PPP4R4: variants seen among roughly 807,000 people sequenced by gnomAD.
PPP4R4 encodes the protein serine/threonine-protein phosphatase 4 regulatory subunit 4.
In PPP4R4, 70 loss-of-function variants were observed where a neutral mutation model predicts 121.8. The observed-to-expected ratio is 0.57, with a 90% confidence interval of 0.47 to 0.70. The LOEUF (loss-of-function observed/expected upper bound fraction) is 0.70, where lower values mean the gene tolerates loss of function less well. Among genes scored for constraint, PPP4R4 ranks in the 30% least tolerant of loss-of-function variants. The probability of loss-of-function intolerance (pLI) is 0.00; values close to 1 mark genes in which losing one functional copy is unlikely to be tolerated. For missense variants in PPP4R4, 875 were observed against 1,033.6 expected (o/e 0.85, Z 2.10); for synonymous variants, 348 against 355.7 (o/e 0.98, Z 0.24).
chr14:94,251,042 CT>C (rs1168600452), intron 15 of PPP4R4, among the ~76,000 whole-genome samples: 4 of 151,998 alleles, frequency 2.6e-5, no homozygotes, highest in South Asian at 4.1e-4. Flanking sequence ...ATACTTTAAT[CT>C]TTCTTTTTAT....
chr14:94,231,190 C>A, intron 4 of PPP4R4, 52 bp from the exon 5 acceptor site: 1 of 1,432,252 alleles, frequency 7.0e-7, no homozygotes, highest in South Asian at 1.2e-5. Context: ...TGAGTTGAAA[C>A]TGAATTTGAA....
At position 94,174,511 on chromosome 14, in the gene PPP4R4, A is replaced by C; in HGVS notation, c.46A>C (p.Ser16Arg). ...CGCCGCGATGGATTTCAGTCAGAAC[A>C]GCCTGTTCGGTTACATGGAGGACCT... The part of the protein sequence containing the change: ...PAAAMDFSQN[S>R]LFGYMEDLQE... The change falls in exon 1 of 25, where the codon AGC becomes CGC. Residue 16 changes from serine to arginine, a missense_variant. Physicochemically the swap from Ser to Arg is moderately radical, Grantham distance 110. Transcript: ENST00000304338. 6.2e-7 allele frequency: 1 copy of C among 1,612,196 alleles called. No homozygotes were observed. Among genetic ancestry groups the C allele is most frequent in the Non-Finnish European group, 8.5e-7 (1 of 1,179,156 alleles).
intron 3 of PPP4R4, among the ~76,000 whole-genome samples, chr14:94,229,222 AGGCT>A (rs914289818): frequency 5.9e-5 from 9 of 152,272 alleles, no homozygotes; most frequent in African/African-American, 2.2e-4. Flanking sequence ...TGAGTAATTG[AGGCT>A]GGAGAAGATG....
intron 23 of PPP4R4, among the ~76,000 whole-genome samples, chr14:94,272,260 G>C (rs1186915624): frequency 2.0e-5 from 3 of 152,166 alleles, no homozygotes; most frequent in Admixed American, 6.5e-5. Flanking sequence ...TCAGGACTTA[G>C]TATAAAGCTA....
intron 2 of PPP4R4, among the ~76,000 whole-genome samples, chr14:94,191,026 A>T (rs866351462): frequency 2.0e-5 from 3 of 152,240 alleles, no homozygotes; most frequent in African/African-American, 4.8e-5. Context: ...ACAATAAAAC[A>T]TATCAAAGTT....
chr14:94,255,293 C>A (rs1374570484), intron 16 of PPP4R4, among the ~76,000 whole-genome samples: 1 of 152,148 alleles, frequency 6.6e-6, no homozygotes, highest in East Asian at 1.9e-4. Flanking sequence ...CATCCTGCTG[C>A]TGGTAAAAGA....
chr14:94,217,458 C>T (rs1011263461), intron 3 of PPP4R4, among the ~76,000 whole-genome samples: 1 of 152,180 alleles, frequency 6.6e-6, no homozygotes, highest in African/African-American at 2.4e-5. Flanking sequence ...CCCCTATCAT[C>T]ACTGAATATC....
chr14:94,205,848 AATTCTGT>A (rs1890425788), intron 2 of PPP4R4, among the ~76,000 whole-genome samples: 1 of 151,870 alleles, frequency 6.6e-6, no homozygotes, highest in Non-Finnish European at 1.5e-5. Context: ...GGTTAGAGAA[AATTCTGT>A]ATTATTTAAA....
At chr14:94,230,881 G>T in intron 4 of PPP4R4, 147 bp downstream of exon 4, 1 of 900,958 alleles carries the variant, frequency 1.1e-6, no homozygotes, top group African/African-American at 1.7e-5. Context: ...ACTTAAAATA[G>T]CTATGGCTGT....
At chr14:94,265,565 A>T in intron 21 of PPP4R4, 92 bp downstream of exon 21, 1 of 1,115,098 alleles carries the variant, frequency 9.0e-7, no homozygotes, top group Non-Finnish European at 1.3e-6. Context: ...GAGATACAGT[A>T]GGATAATATA....
Position 94,251,906 on chromosome 14 carries a change from C to G in PPP4R4, c.1865+10C>G, listed in dbSNP as rs1172642185. On this transcript the variant is annotated intron_variant, in intron 16 of 24. Transcript: ENST00000304338. ...CAGTAGCAAATGTGAGGTATGTTAT[C>G]AATGAAGGAAAATATTGGAAATTGT... The G allele has an allele frequency of 6.4e-7, 1 of 1,559,082 alleles. No individual in the cohort carries two copies. Among genetic ancestry groups the G allele is most frequent in the Non-Finnish European group, 8.7e-7 (1 of 1,150,758 alleles).
chr14:94,191,833 A>T (rs1424354152), intron 2 of PPP4R4, among the ~76,000 whole-genome samples: 1 of 152,170 alleles, frequency 6.6e-6, no homozygotes, highest in Admixed American at 6.5e-5. Context: ...AAAATTATCA[A>T]CTTAGAAATC....
chr14:94,274,930 G>A lies in PPP4R4; in HGVS notation c.2450-444G>A, dbSNP rs538825180. On this transcript the variant is annotated intron_variant, in intron 23 of 24. Coordinates refer to ENST00000304338, the MANE Select transcript of PPP4R4 (RefSeq NM_058237.2). ...TATTATGGGTAAACAAATTTTGACA[G>A]ATTCACACAATACCAGTCAGAAATA... Among the ~76,000 whole-genome samples, 15 of 152,246 alleles carry A rather than the reference G, an allele frequency of 9.9e-5. No individual in the cohort carries two copies. The East Asian group carries it at 2.9e-3, about 29-fold the overall frequency.
intron 19 of PPP4R4, among the ~76,000 whole-genome samples, chr14:94,260,390 C>T (rs1893719050): frequency 1.3e-5 from 2 of 152,102 alleles, no homozygotes; most frequent in African/African-American, 4.8e-5. Context: ...TGTGCCACTG[C>T]ACACCAGCCT....
chr14:94,224,187 A>AGAGC (rs905353608), intron 3 of PPP4R4, among the ~76,000 whole-genome samples: 6 of 152,220 alleles, frequency 3.9e-5, no homozygotes, highest in Non-Finnish European at 8.8e-5. Flanking sequence ...CAGTGTGCCT[A>AGAGC]GAGCATAAAG....
At chr14:94,219,576 G>A (rs778668791) in intron 3 of PPP4R4, among the ~76,000 whole-genome samples, 16 of 152,174 alleles carry the variant, frequency 1.1e-4, no homozygotes, top group East Asian at 5.8e-4. Flanking sequence ...ACTCATGAGC[G>A]TAGATGCAAA....
In PPP4R4 at chr14:94,229,837, C is replaced by T. The variant is rs149856760; in HGVS notation, c.295-750C>T. 5.1e-3 allele frequency among the ~76,000 whole-genome samples: 770 copies of T among 152,240 alleles called. 14 individuals are homozygous for T. In the East Asian group the frequency reaches 0.078, roughly 15 times the overall value. On this transcript the variant is annotated intron_variant, in intron 3 of 24. Transcript: ENST00000304338. ...TGCCTTTACATTACACACACAAACA[C>T]ACACACTTTCTCTCTCTATCTCTCT... is the stretch of plus-strand genomic sequence containing the variant.
intron 23 of PPP4R4, 28 bp downstream of exon 23, chr14:94,267,057 A>T (rs1490971186): frequency 6.7e-7 from 1 of 1,493,398 alleles, no homozygotes; most frequent in Non-Finnish European, 9.2e-7. Context: ...TTCTTCAAAA[A>T]GTTGCTAAAT....
At position 94,246,475 on chromosome 14, in the gene PPP4R4, T is replaced by C. The variant is rs1892900356; in HGVS notation, c.1547T>C (p.Val516Ala). 6.2e-7 allele frequency: 1 copy of C among 1,613,964 alleles called. No individual in the cohort carries two copies. The highest frequency in any genetic ancestry group is 1.7e-5 in the Admixed American group (1 of 59,990). The change falls in exon 14 of 25, where the codon GTC (valine) becomes GCC (alanine). Residue 516 changes from valine to alanine, a missense_variant. Transcript: ENST00000304338. ...CAGAAATATGCCTGCCTGCCACATG[T>C]CATATCAAGCGATCAGATTTATTAC... ...LLQKYACLPH[V>A]ISSDQIYYRF... is the part of the protein sequence containing the mutation.
Sources: gnomAD v4.1 joint callset for allele counts (sites outside exome capture counted in the v4.1 genomes callset) on GRCh38, gnomAD v4.1.1 for gene constraint, MANE v1.5 for transcripts, NCBI Gene and HGNC (gene_info 2026-07-23, HGNC 2026-07-21) for gene names.